ENTHD1: variants seen among roughly 807,000 people sequenced by gnomAD.
ENTHD1 encodes ENTH domain containing 1, also known as ENTH domain-containing protein 1.
ENTHD1 carries 23 observed loss-of-function variants against 39.1 expected under a neutral mutation model. The observed-to-expected ratio is 0.59, with a 90% CI of 0.42 to 0.83. The LOEUF is 0.83. ENTHD1 is among the 40% of genes least tolerant of loss of function. ENTHD1 has a pLI of 0.00. For synonymous variants in ENTHD1, 230 were observed against 258.2 expected (o/e 0.89, Z 1.05); for missense variants, 624 against 705.4 (o/e 0.88, Z 1.31).
intron 4 of ENTHD1, among the ~76,000 whole-genome samples, chr22:39,832,979 A>G (rs1217834154): frequency 1.3e-5 from 2 of 152,174 alleles, no homozygotes; most frequent in Admixed American, 6.5e-5. Context: ...GTCTGTGCAG[A>G]AGCCGAGTGG....
intron 3 of ENTHD1, among the ~76,000 whole-genome samples, chr22:39,850,813 A>AC (rs2066030009): frequency 2.6e-5 from 4 of 151,852 alleles, no homozygotes; most frequent in Admixed American, 2.6e-4. Context: ...GGACCTGCCC[A>AC]CCCCCACTTA....
At chr22:39,789,607 C>T (rs760714810) in intron 5 of ENTHD1, among the ~76,000 whole-genome samples, 1 of 152,120 alleles carries the variant, frequency 6.6e-6, no homozygotes, top group Non-Finnish European at 1.5e-5. Context: ...TATTCAGGTA[C>T]TAAATTATTC....
At chr22:39,758,406 C>T (rs2065202440) in intron 6 of ENTHD1, among the ~76,000 whole-genome samples, 1 of 151,984 alleles carries the variant, frequency 6.6e-6, no homozygotes, top group African/African-American at 2.4e-5. Flanking sequence ...CATATTAGGG[C>T]TTTTTAAAAA....
At chr22:39,876,054 C>T in intron 2 of ENTHD1, 2 of 1,613,918 alleles carry the variant, frequency 1.2e-6, no homozygotes, top group Non-Finnish European at 8.5e-7. Flanking sequence ...GGTCCTGCTA[C>T]TCTCAACCTT....
At chr22:39,826,544 C>A (rs1325467100) in intron 4 of ENTHD1, among the ~76,000 whole-genome samples, 1 of 152,054 alleles carries the variant, frequency 6.6e-6, no homozygotes, top group African/African-American at 2.4e-5. Flanking sequence ...CTCTTTTCTA[C>A]TGTAAGCGTT....
chr22:39,748,884 A>T (rs1215737313), intron 6 of ENTHD1, among the ~76,000 whole-genome samples: 1 of 152,152 alleles, frequency 6.6e-6, no homozygotes, highest in East Asian at 1.9e-4. Flanking sequence ...TGGGTCCCAG[A>T]TCTACTAAAT....
At chr22:39,855,118 C>T (rs1394298187) in intron 3 of ENTHD1, among the ~76,000 whole-genome samples, 1 of 152,268 alleles carries the variant, frequency 6.6e-6, no homozygotes, top group East Asian at 1.9e-4. Context: ...TTACAAGCTT[C>T]GTTCAATTTG....
At chr22:39,783,972 A>G (rs2065433549) in intron 5 of ENTHD1, among the ~76,000 whole-genome samples, 1 of 152,212 alleles carries the variant, frequency 6.6e-6, no homozygotes, top group Non-Finnish European at 1.5e-5. Context: ...AACCCACAGA[A>G]TGGGACAAAA....
In ENTHD1 at chr22:39,867,115, G is replaced by A. The variant is rs6001699; in HGVS notation, c.350-5108C>T. ...AGACGGGGTTTCACCGTGTTAGCCA[G>A]GATGGTCTTGATCTCCTGACCTCAC... On this transcript the variant is annotated intron_variant, in intron 2 of 6. Transcript: ENST00000325157. This position sits in a 1 kb window ranked among gnomAD's most constrained non-coding sequence, Gnocchi z 4.5. Among the ~76,000 whole-genome samples, 4,035 of 152,172 alleles carry A rather than the reference G, an allele frequency of 0.027. 80 individuals carry two copies. Among genetic ancestry groups the A allele is most frequent in the East Asian group, 0.071 (364 of 5,158 alleles).
chr22:39,809,841 G>C (rs1252678440), intron 5 of ENTHD1, among the ~76,000 whole-genome samples: 2 of 152,144 alleles, frequency 1.3e-5, no homozygotes, highest in Non-Finnish European at 2.9e-5. Flanking sequence ...AACTCTTGGA[G>C]ACAAGCTAGG....
At chr22:39,855,903 C>G (rs964981796) in intron 3 of ENTHD1, among the ~76,000 whole-genome samples, 2 of 152,172 alleles carry the variant, frequency 1.3e-5, no homozygotes, top group African/African-American at 4.8e-5. Context: ...ACTATCATAA[C>G]TTGTGGATGC....
chr22:39,743,439 C>A lies in ENTHD1; in HGVS notation c.*240G>T, dbSNP rs202135360. On this transcript the variant is annotated 3_prime_UTR_variant, in exon 7 of 7. Coordinates refer to ENST00000325157, the MANE Select transcript of ENTHD1 (RefSeq NM_152512.4). ...ACAGAGCATGAAAGAATGAAATTCT[C>A]TTCTGTTTCAAATGAACTAATATCT... The A allele has an allele frequency of 4.1e-4, 178 of 428,936 alleles. No homozygotes were observed. The East Asian group carries it at 7.4e-3, about 18-fold the overall frequency. 26.6% of individuals were successfully genotyped at this position (428,936 alleles called of 1,614,324 possible).
chr22:39,848,086 G>A (rs1384993159), intron 3 of ENTHD1, among the ~76,000 whole-genome samples: 1 of 152,138 alleles, frequency 6.6e-6, no homozygotes, highest in Non-Finnish European at 1.5e-5. Context: ...TTTCCTTGCT[G>A]GCTGGCAACC....
intron 5 of ENTHD1, among the ~76,000 whole-genome samples, chr22:39,795,916 T>A (rs772807389): frequency 6.6e-6 from 1 of 152,198 alleles, no homozygotes; most frequent in African/African-American, 2.4e-5. Flanking sequence ...TCAGTTGTTA[T>A]GTCTCCTTTT....
At chr22:39,862,660 A>C (rs2066152369) in intron 2 of ENTHD1, among the ~76,000 whole-genome samples, 4 of 152,222 alleles carry the variant, frequency 2.6e-5, no homozygotes, top group Admixed American at 6.5e-5. Flanking sequence ...TAGATGTATG[A>C]CCAGGACACA....
At chr22:39,859,693 A>G (rs2066124188) in intron 3 of ENTHD1, among the ~76,000 whole-genome samples, 1 of 152,192 alleles carries the variant, frequency 6.6e-6, no homozygotes, top group East Asian at 1.9e-4. Flanking sequence ...TTACAACAGT[A>G]ACATCTAAGA....
chr22:39,834,354 T>C (rs2065893071), intron 4 of ENTHD1, among the ~76,000 whole-genome samples: 1 of 152,138 alleles, frequency 6.6e-6, no homozygotes, highest in Non-Finnish European at 1.5e-5. Context: ...CAAAGATAAG[T>C]TATAATGCCA....
intron 3 of ENTHD1, among the ~76,000 whole-genome samples, chr22:39,854,449 C>G (rs1020253972): frequency 1.3e-5 from 2 of 152,116 alleles, no homozygotes; most frequent in African/African-American, 4.8e-5. Context: ...GATCAGATGA[C>G]CAACACAGGT....
intron 5 of ENTHD1, among the ~76,000 whole-genome samples, chr22:39,780,801 A>T (rs1271448740): frequency 6.6e-6 from 1 of 152,196 alleles, no homozygotes; most frequent in African/African-American, 2.4e-5. Flanking sequence ...GATTGAGACC[A>T]TGCTGGCTAA....
Sources: gnomAD v4.1 joint callset for allele counts (sites outside exome capture counted in the v4.1 genomes callset) on GRCh38, gnomAD v4.1.1 for gene constraint, Gnocchi (gnomAD v3.1) non-coding constraint, MANE v1.5 for transcripts, NCBI Gene and HGNC (gene_info 2026-07-23, HGNC 2026-07-21) for gene names.